PIBF1: variants seen among roughly 807,000 people sequenced by gnomAD.
PIBF1 encodes progesterone immunomodulatory binding factor 1, also known as progesterone-induced-blocking factor 1.
Under a neutral mutation model 112.5 loss-of-function variants are expected in PIBF1, and 90 were observed. The observed-to-expected ratio is 0.80, with a 90% confidence interval of 0.67 to 0.95. PIBF1 has a LOEUF of 0.95. Ranked by LOEUF, PIBF1 falls within the 40% of genes least tolerant of loss-of-function variation. The pLI is 0.00. For missense variants in PIBF1, 915 were observed against 852.3 expected, an observed-to-expected ratio of 1.07 and a Z score of -0.92; for synonymous variants, 301 against 288.6, an observed-to-expected ratio of 1.04 and a Z score of -0.44.
chr13:72,916,392 C>CAA lies in PIBF1; in HGVS notation c.1640-679_1640-678dup, dbSNP rs1467324826. 1.1e-3 allele frequency among the ~76,000 whole-genome samples: 118 copies of CAA among 103,652 alleles called. 1 individual carries two copies. The highest frequency in any genetic ancestry group is 8.3e-3 in the East Asian group (23 of 2,760). 68.0% of individuals were successfully genotyped at this position (103,652 alleles called of 152,430 possible). A position where few individuals can be genotyped will look rare whatever the true frequency, so the allele number is the denominator to read the frequency against. On this transcript the variant is annotated intron_variant, in intron 12 of 17. Transcript: ENST00000326291. ...GGGCAACAAGAGCGAAACTCCATCT[C>CAA]AAAAAATATATATATATATATATTT...
chr13:72,832,637 G>C (rs1382491103), intron 8 of PIBF1, among the ~76,000 whole-genome samples: 1 of 152,346 alleles, frequency 6.6e-6, no homozygotes, highest in African/African-American at 2.4e-5. Context: ...GAGATCCGCT[G>C]TTAGTCTGAT....
chr13:72,886,076 T>G (rs2039838449), intron 10 of PIBF1, among the ~76,000 whole-genome samples: 1 of 152,092 alleles, frequency 6.6e-6, no homozygotes, highest in Non-Finnish European at 1.5e-5. Flanking sequence ...CCATAGTAAA[T>G]TCATTTCTTT....
At chr13:72,881,209 G>A (rs1303839810) in intron 10 of PIBF1, 1 of 151,480 alleles carries the variant, frequency 6.6e-6, no homozygotes, top group Non-Finnish European at 1.5e-5. Flanking sequence ...CTGCTGAAAT[G>A]AGCACAATGA....
intron 10 of PIBF1, among the ~76,000 whole-genome samples, chr13:72,883,112 A>G (rs1401054697): frequency 6.6e-6 from 1 of 152,220 alleles, no homozygotes; most frequent in Non-Finnish European, 1.5e-5. Context: ...TACCGGATAA[A>G]GAAAATGTGG....
intron 10 of PIBF1, among the ~76,000 whole-genome samples, chr13:72,856,755 A>G (rs2038440146): frequency 6.6e-6 from 1 of 152,222 alleles, no homozygotes; most frequent in Admixed American, 6.5e-5. Context: ...GATAAATGAC[A>G]TTTTTAAAAG....
At chr13:72,856,770 A>T (rs2038440783) in intron 10 of PIBF1, among the ~76,000 whole-genome samples, 1 of 152,204 alleles carries the variant, frequency 6.6e-6, no homozygotes, top group South Asian at 2.1e-4. Context: ...TAAAAGTAGA[A>T]TTCTAGATGT....
intron 14 of PIBF1, among the ~76,000 whole-genome samples, chr13:72,943,380 A>G (rs560773979): frequency 1.3e-5 from 2 of 152,334 alleles, no homozygotes; most frequent in African/African-American, 4.8e-5. Flanking sequence ...AGAAATGACA[A>G]ATGTTTAAGG....
intron 2 of PIBF1, among the ~76,000 whole-genome samples, chr13:72,786,928 C>T (rs1470182591): frequency 1.3e-5 from 2 of 152,218 alleles, no homozygotes; most frequent in Non-Finnish European, 2.9e-5. Context: ...TGCATCATTA[C>T]ATACATTGCT....
At chr13:72,916,248 C>G (rs1045888830) in intron 12 of PIBF1, among the ~76,000 whole-genome samples, 33 of 151,826 alleles carry the variant, frequency 2.2e-4, no homozygotes, top group Admixed American at 1.6e-3. Flanking sequence ...AAAAATTAGC[C>G]GGGCTTGGTG....
At chr13:72,985,769 C>T (rs1038939600) in intron 16 of PIBF1, among the ~76,000 whole-genome samples, 3 of 151,996 alleles carry the variant, frequency 2.0e-5, no homozygotes, top group Admixed American at 2.0e-4. Context: ...AACCAGTGCT[C>T]TAAGTGGAGG....
chr13:72,993,938 A>G (rs111542067), intron 16 of PIBF1, among the ~76,000 whole-genome samples: 8 of 152,002 alleles, frequency 5.3e-5, no homozygotes, highest in African/African-American at 1.7e-4. Context: ...CCTGGGTAAC[A>G]CAGTCTCTAC....
rs140596034 is a variant in PIBF1 at position 72,855,557 on chromosome 13, G to A, written c.1322+1402G>A. Among the ~76,000 whole-genome samples the A allele has an allele frequency of 1.1e-4, 16 of 152,178 alleles. No individual in the cohort carries two copies. In the East Asian group the frequency reaches 2.7e-3, roughly 26 times the overall value. ...CCAGCTACTCAGAAGGCTGAGGCAC[G>A]AGAGTCACTTGAACCCAGGAGGCAG... is the stretch of plus-strand genomic sequence containing the variant. On this transcript the variant is annotated intron_variant, in intron 10 of 17. Coordinates refer to ENST00000326291, the MANE Select transcript of PIBF1 (RefSeq NM_006346.4).
At chr13:72,912,530 G>A (rs144899052) in intron 12 of PIBF1, among the ~76,000 whole-genome samples, 39 of 152,290 alleles carry the variant, frequency 2.6e-4, no homozygotes, top group Admixed American at 2.4e-3. Context: ...TATACCAAAT[G>A]TTGGTGAGAA....
chr13:72,981,485 T>C (rs1257662729), intron 16 of PIBF1, among the ~76,000 whole-genome samples: 1 of 152,022 alleles, frequency 6.6e-6, no homozygotes, highest in African/African-American at 2.4e-5. Context: ...TTTTCCATTT[T>C]GAAGAATAGA....
intron 13 of PIBF1, among the ~76,000 whole-genome samples, chr13:72,928,367 T>G (rs1190526396): frequency 6.6e-6 from 1 of 152,164 alleles, no homozygotes; most frequent in Non-Finnish European, 1.5e-5. Context: ...ACTTGGAATC[T>G]CCCAGTCAAA....
At chr13:72,794,774 A>G (rs747237769) in intron 3 of PIBF1, among the ~76,000 whole-genome samples, 16 of 152,196 alleles carry the variant, frequency 1.1e-4, no homozygotes, top group Non-Finnish European at 2.1e-4. Context: ...TTCCTTTATA[A>G]ATTACCCAGT....
intron 5 of PIBF1, among the ~76,000 whole-genome samples, chr13:72,819,378 G>GC (rs1227233982): frequency 1.3e-5 from 2 of 152,000 alleles, no homozygotes; most frequent in Non-Finnish European, 2.9e-5. Flanking sequence ...CCCTGAGTAT[G>GC]CCCCCTTTTC....
intron 12 of PIBF1, among the ~76,000 whole-genome samples, chr13:72,914,355 A>G (rs1032249001): frequency 6.6e-6 from 1 of 152,130 alleles, no homozygotes; most frequent in East Asian, 1.9e-4. Flanking sequence ...ATTGTCTAAA[A>G]GCTAAATAAA....
intron 7 of PIBF1, among the ~76,000 whole-genome samples, chr13:72,827,480 C>T (rs1024033524): frequency 2.0e-4 from 31 of 151,960 alleles, no homozygotes; most frequent in African/African-American, 7.0e-4. Context: ...AACTCCTGAC[C>T]TCAAATGATC....
Sources: gnomAD v4.1 joint callset for allele counts (sites outside exome capture counted in the v4.1 genomes callset) on GRCh38, gnomAD v4.1.1 for gene constraint, MANE v1.5 for transcripts, NCBI Gene and HGNC (gene_info 2026-07-23, HGNC 2026-07-21) for gene names.